Variants in UCHL5 observed in about 807,000 individuals in gnomAD.
UCHL5 encodes the protein ubiquitin C-terminal hydrolase L5, also known as ubiquitin carboxyl-terminal hydrolase isozyme L5.
In UCHL5, 34 loss-of-function variants were observed where a neutral mutation model predicts 53.8. The ratio of observed to expected loss-of-function variants is 0.63; its 90% CI spans 0.48 to 0.84. The LOEUF is 0.84. Ranked by LOEUF, UCHL5 falls within the 40% of genes least tolerant of loss-of-function variation. The probability of loss-of-function intolerance (pLI) is 0.00; values close to 1 mark genes in which losing one functional copy is unlikely to be tolerated. For synonymous variants in UCHL5, 111 were observed against 126.3 expected (o/e 0.88, Z 0.81); for missense variants, 290 against 385.6 (o/e 0.75, Z 2.08).
rs1346777106 is a variant in UCHL5, at chr1:193,012,556, T to G, written c.*3795A>C. 3 of 152,192 alleles carry G rather than the reference T, an allele frequency of 2.0e-5. No individual in the cohort carries two copies. Among genetic ancestry groups the G allele is most frequent in the Non-Finnish European group, 4.4e-5 (3 of 68,032 alleles). The allele number at this position is 152,192 out of a possible 1,614,324, so 9.4% of individuals were successfully genotyped here. Reference sequence around the variant, plus strand: ...CAGTACTAGAGAAGTTCTGCCTATATGCCTATATGCAATCCACTTGTACAG... The same window carrying G: ...CAGTACTAGAGAAGTTCTGCCTATAGGCCTATATGCAATCCACTTGTACAG... On this transcript the variant is annotated 3_prime_UTR_variant, in exon 11 of 11. Transcript: ENST00000367454.
intron 1 of UCHL5, among the ~76,000 whole-genome samples, chr1:193,055,967 T>C (rs1373192050): frequency 6.6e-6 from 1 of 152,192 alleles, no homozygotes; most frequent in Non-Finnish European, 1.5e-5. Context: ...TGGTATTATT[T>C]ATAATATTAA....
At chr1:193,039,469 T>C (rs868429749) in intron 3 of UCHL5, among the ~76,000 whole-genome samples, 5 of 152,128 alleles carry the variant, frequency 3.3e-5, no homozygotes, top group Non-Finnish European at 5.9e-5. Context: ...GTGCAAGATC[T>C]ATACAAGGAC....
rs1370967170 is a variant in UCHL5 at position 193,051,783 on chromosome 1, A to T, written c.111T>A (p.Ser37Arg). ...ATTTTTCAAAATTCTCAGGCTCTAAACTCCATATTTCTTCTACTTGGGCTC... is the reference window on the plus strand; with the variant it reads ...ATTTTTCAAAATTCTCAGGCTCTAATCTCCATATTTCTTCTACTTGGGCTC... Reference protein sequence around the residue: ...CRGAQVEEIWSLEPENFEKLK... With the variant: ...CRGAQVEEIWRLEPENFEKLK... Residue 37 changes from serine to arginine, a missense_variant, in exon 2 of 11, where the codon AGT (serine) becomes AGA (arginine). By Grantham distance (110) the Ser-to-Arg change is moderately radical. Coordinates refer to ENST00000367454, the MANE Select transcript of UCHL5 (RefSeq NM_001199261.3). 6.2e-7 allele frequency: 1 copy of T among 1,601,226 alleles called. No individual in the cohort carries two copies. The highest frequency in any genetic ancestry group is 1.1e-5 in the South Asian group (1 of 88,110).
intron 7 of UCHL5, among the ~76,000 whole-genome samples, chr1:193,025,589 A>G (rs1658889490): frequency 6.6e-6 from 1 of 152,156 alleles, no homozygotes; most frequent in Non-Finnish European, 1.5e-5. Context: ...TAGAACACCC[A>G]TCTCTGCCCA....
chr1:193,026,124 G>A (rs1386349078), intron 7 of UCHL5, among the ~76,000 whole-genome samples: 1 of 146,172 alleles, frequency 6.8e-6, no homozygotes, highest in African/African-American at 2.5e-5. Flanking sequence ...TGATCTAAAT[G>A]TCATACCATA....
At chr1:193,059,412 C>T, upstream of UCHL5, 2 of 1,610,834 alleles carry the variant, frequency 1.2e-6, no homozygotes, top group Middle Eastern at 3.3e-4. The surrounding 1 kb of genome is among the most constrained non-coding windows in gnomAD (Gnocchi z 4.9). Context: ...GGCGCCGTCA[C>T]CTGCAGCGCG....
At chr1:193,032,926 G>A (rs1358219007) in intron 3 of UCHL5, among the ~76,000 whole-genome samples, 1 of 152,208 alleles carries the variant, frequency 6.6e-6, no homozygotes, top group African/African-American at 2.4e-5. Flanking sequence ...TACATTGTTG[G>A]TGGGAGTGTA....
At chr1:193,045,519 A>G (rs1257797839) in intron 3 of UCHL5, among the ~76,000 whole-genome samples, 1 of 152,150 alleles carries the variant, frequency 6.6e-6, no homozygotes, top group Non-Finnish European at 1.5e-5. Context: ...GTCTGTTCCT[A>G]CTTTGCCTAC....
At chr1:193,028,182 A>T (rs1660052700) in intron 6 of UCHL5, 34 bp from the exon 7 acceptor site, 1 of 1,524,120 alleles carries the variant, frequency 6.6e-7, no homozygotes, top group Non-Finnish European at 8.8e-7. Context: ...TAACACAAAT[A>T]AAAATAAGAA....
At position 193,018,541 on chromosome 1, in the gene UCHL5, C is replaced by T. The variant is rs531420204; in HGVS notation, c.943-2146G>A. On this transcript the variant is annotated intron_variant, in intron 10 of 10. Transcript: ENST00000367454. ...TGTGGTGTGTATTCAACGAATTCAT[C>T]GGTTAAAAAGTCTCACATAACAAAA... is the stretch of plus-strand genomic sequence containing the variant. 2.9e-5 allele frequency: 33 copies of T among 1,149,292 alleles called. No homozygotes were observed. The African/African-American group carries it at 3.2e-4, about 11-fold the overall frequency. The allele number at this position is 1,149,292 out of a possible 1,614,324, so 71.2% of individuals were successfully genotyped here.
chr1:193,036,703 T>C (rs1356460977), intron 3 of UCHL5, among the ~76,000 whole-genome samples: 2 of 152,078 alleles, frequency 1.3e-5, no homozygotes, highest in African/African-American at 4.8e-5. Flanking sequence ...CATCAGCATA[T>C]GGATATCCAG....
upstream of UCHL5, chr1:193,059,596 AAAG>A (rs1465734521): frequency 3.4e-6 from 5 of 1,459,348 alleles, no homozygotes; most frequent in South Asian, 5.7e-5. The surrounding 1 kb of genome is among the most constrained non-coding windows in gnomAD (Gnocchi z 4.9). Context: ...AGGCGGGGCA[AAAG>A]AAGAGGGGCA....
rs200951342 is a variant in UCHL5 at position 193,043,151 on chromosome 1, T to TAAAAAAAAAAAAAAAAAAAAAAAAAAAA, written c.246+6594_246+6595insTTTTTTTTTTTTTTTTTTTTTTTTTTTT. On this transcript the variant is annotated intron_variant, in intron 3 of 10. Coordinates refer to ENST00000367454, the MANE Select transcript of UCHL5 (RefSeq NM_001199261.3). ...TGGAGCCTTGACAGCTCTTGAATATTAAAAAAAAAAAAAAAAAAAAAAAAA... is the reference window on the plus strand; with the variant it reads ...TGGAGCCTTGACAGCTCTTGAATATTAAAAAAAAAAAAAAAAAAAAAAAAAAAAAAAAAAAAAAAAAAAAAAAAAAAAA... Among the ~76,000 whole-genome samples, 4 of 36,376 alleles carry TAAAAAAAAAAAAAAAAAAAAAAAAAAAA rather than the reference T, an allele frequency of 1.1e-4. 1 individual carries two copies. The highest frequency in any genetic ancestry group is 3.3e-4 in the African/African-American group (4 of 12,050). The allele number at this position is 36,376 out of a possible 152,430, so 23.9% of individuals were successfully genotyped here.
chr1:193,023,417 A>AC (rs1306701380), intron 8 of UCHL5, among the ~76,000 whole-genome samples: 3 of 152,222 alleles, frequency 2.0e-5, no homozygotes, highest in African/African-American at 7.2e-5. Flanking sequence ...ATCATAGACT[A>AC]GTAAAGACTA....
At chr1:193,050,840 T>C (rs1364258195) in intron 2 of UCHL5, among the ~76,000 whole-genome samples, 1 of 152,194 alleles carries the variant, frequency 6.6e-6, no homozygotes, top group Non-Finnish European at 1.5e-5. Flanking sequence ...TGGGCTAGAC[T>C]TGAACTCCTG....
intron 6 of UCHL5, among the ~76,000 whole-genome samples, chr1:193,028,501 A>C (rs1338872310): frequency 6.6e-6 from 1 of 152,166 alleles, no homozygotes; most frequent in East Asian, 1.9e-4. Flanking sequence ...ATTCAACTAA[A>C]ACAAGTTGTG....
chr1:193,016,262 A>G lies in UCHL5; in HGVS notation c.*89T>C, dbSNP rs2102226478. On this transcript the variant is annotated 3_prime_UTR_variant, in exon 11 of 11. Transcript: ENST00000367454. ...CTATTGCCAAACGTGCACTGAGCCA[A>G]TTAGGATGTTGCTCTAAGTTCTTTA... 6.7e-7 allele frequency: 1 copy of G among 1,496,226 alleles called. No homozygotes were observed. 92.7% of individuals were successfully genotyped at this position (1,496,226 alleles called of 1,614,324 possible).
rs1008648316 is a variant in UCHL5 at position 193,015,538 on chromosome 1, C to A, written c.*813G>T. 6.6e-6 allele frequency: 1 copy of A among 151,974 alleles called. No individual in the cohort carries two copies. Among genetic ancestry groups the A allele is most frequent in the Admixed American group, 6.6e-5 (1 of 15,216 alleles). The allele number at this position is 151,974 out of a possible 1,614,324, so 9.4% of individuals were successfully genotyped here. On this transcript the variant is annotated 3_prime_UTR_variant, in exon 11 of 11. Coordinates refer to ENST00000367454, the MANE Select transcript of UCHL5 (RefSeq NM_001199261.3). ...CATAGAAAGACCCCCATCACCACTA[C>A]CATCTTTTTAAAAAAGCAGATAACA...
Position 193,056,859 on chromosome 1 carries a change from A to T in UCHL5, c.76+2326T>A, listed in dbSNP as rs1670769620. ...TCTCTTTGAAGCATCTGATGGTGAC[A>T]TAAACTACCACCATTTAATTGTTTG... On this transcript the variant is annotated intron_variant, in intron 1 of 10. Transcript: ENST00000367454. Among the ~76,000 whole-genome samples, 4 of 152,368 alleles carry T rather than the reference A, an allele frequency of 2.6e-5. No individual in the cohort carries two copies. In the South Asian group the frequency reaches 8.3e-4, roughly 32 times the overall value.
Sources: gnomAD v4.1 joint callset for allele counts (sites outside exome capture counted in the v4.1 genomes callset) on GRCh38, gnomAD v4.1.1 for gene constraint, Gnocchi (gnomAD v3.1) non-coding constraint, MANE v1.5 for transcripts, NCBI Gene and HGNC (gene_info 2026-07-23, HGNC 2026-07-21) for gene names.